ZBTB25: variants seen among roughly 807,000 people sequenced by gnomAD.
The protein encoded by ZBTB25 is zinc finger and BTB domain-containing protein 25.
ZBTB25 carries 20 observed loss-of-function variants against 34.2 expected under a neutral mutation model. That is an observed-to-expected ratio of 0.58 (90% CI 0.41 to 0.85). The LOEUF is 0.85. Among genes scored for constraint, ZBTB25 ranks in the 40% least tolerant of loss-of-function variants. The pLI is 0.00. For missense variants in ZBTB25, 437 were observed against 521.8 expected, an observed-to-expected ratio of 0.84 and a Z score of 1.58; for synonymous variants, 175 against 186.4, an observed-to-expected ratio of 0.94 and a Z score of 0.50.
Position 64,487,617 on chromosome 14 carries a change from T to A in ZBTB25, c.614A>T (p.Gln205Leu), listed in dbSNP as rs1450058627. 6.2e-7 allele frequency: 1 copy of A among 1,606,436 alleles called. No individual in the cohort carries two copies. The highest frequency in any genetic ancestry group is 1.3e-5 in the African/African-American group (1 of 74,640). The change falls in exon 3 of 3, where the codon CAG becomes CTG. Residue 205 changes from glutamine (Q) to leucine (L), a missense_variant. Transcript: ENST00000608382. ...CACAGATTCTGGGTCACATCTCTCC[T>A]GCTTGATGGAAACTGGGGGCTTCTG... ...EHQKPPVSIK[Q>L]ERCDPESVIS...
intron 2 of ZBTB25, chr14:64,469,371 A>G: frequency 6.2e-7 from 1 of 1,614,084 alleles, no homozygotes; most frequent in Non-Finnish European, 8.5e-7. Flanking sequence ...ACTGAAGAGA[A>G]ATCCAAATCA....
intron 2 of ZBTB25, chr14:64,471,686 G>A (rs1037355312): frequency 3.0e-5 from 5 of 166,154 alleles, no homozygotes; most frequent in African/African-American, 1.2e-4. Flanking sequence ...TAAATTGAGT[G>A]ATTGTGTTAC....
chr14:64,493,825 A>G (rs891756290), intron 1 of ZBTB25, among the ~76,000 whole-genome samples: 6 of 150,380 alleles, frequency 4.0e-5, no homozygotes, highest in Non-Finnish European at 5.9e-5. Context: ...TCTTGATAAG[A>G]GGTTCTGAGA....
At position 64,487,851 on chromosome 14, in the gene ZBTB25, T is replaced by G. The variant is rs1377501536; in HGVS notation, c.380A>C (p.Asn127Thr). Reference protein sequence around the residue: ...VFSPETVQSSNLYGIQISTTQ... With the variant: ...VFSPETVQSSTLYGIQISTTQ... The stretch of plus-strand genomic sequence containing the variant: ...TGTTGAGATCTGAATGCCATATAAA[T>G]TTGAGGACTGCACAGTCTCTGGTGA... The change falls in exon 3 of 3, where the codon AAT becomes ACT. Residue 127 changes from asparagine to threonine, a missense_variant. Transcript: ENST00000608382. 4 of 1,614,190 alleles carry G rather than the reference T, an allele frequency of 2.5e-6. No individual in the cohort carries two copies. Among genetic ancestry groups the G allele is most frequent in the Non-Finnish European group, 3.4e-6 (4 of 1,180,032 alleles).
At chr14:64,502,705 C>T (rs2079535850) in intron 1 of ZBTB25, 2 of 985,602 alleles carry the variant, frequency 2.0e-6, no homozygotes, top group Non-Finnish European at 2.4e-6. Flanking sequence ...CACTGCGGTC[C>T]TGGCATGGTG....
intron 1 of ZBTB25, among the ~76,000 whole-genome samples, chr14:64,492,609 A>AC (rs1308858820): frequency 2.6e-5 from 4 of 151,972 alleles, no homozygotes; most frequent in Non-Finnish European, 4.4e-5. Context: ...CTCAAAAAAA[A>AC]AAAACAAAAC....
chr14:64,470,929 G>T (rs1208879601), intron 2 of ZBTB25: 1 of 167,020 alleles, frequency 6.0e-6, no homozygotes, highest in Non-Finnish European at 1.5e-5. Flanking sequence ...TAGATTCAAA[G>T]CCAGCCTGGT....
At chr14:64,458,633 G>A in intron 2 of ZBTB25, 2 of 396,168 alleles carry the variant, frequency 5.0e-6, no homozygotes, top group South Asian at 4.4e-5. Flanking sequence ...AGGAGGCTTG[G>A]GGTTCAGAGT....
chr14:64,475,397 C>T (rs912094770), downstream of ZBTB25, among the ~76,000 whole-genome samples: 1 of 151,854 alleles, frequency 6.6e-6, no homozygotes. Context: ...CGACATCATG[C>T]CATTGCACTC....
chr14:64,472,861 G>A (rs939729372), intron 2 of ZBTB25: 1 of 166,982 alleles, frequency 6.0e-6, no homozygotes, highest in Non-Finnish European at 1.5e-5. Context: ...TTCAATTCAT[G>A]TCCATTTAAC....
chr14:64,495,479 T>C (rs2079238666), intron 1 of ZBTB25, among the ~76,000 whole-genome samples: 1 of 152,232 alleles, frequency 6.6e-6, no homozygotes, highest in Admixed American at 6.5e-5. Context: ...AGCTCTGTCC[T>C]CTTTTCTTCA....
intron 1 of ZBTB25, chr14:64,503,068 GTAACAACTGA>G: frequency 1.0e-6 from 1 of 985,432 alleles, no homozygotes; most frequent in African/African-American, 1.7e-5. Context: ...TCCGCAACTG[GTAACAACTGA>G]TTACTCCAAA....
chr14:64,458,110 A>G (rs977630079), intron 2 of ZBTB25: 4 of 914,096 alleles, frequency 4.4e-6, no homozygotes, highest in Non-Finnish European at 5.5e-6. Flanking sequence ...AGGGTGGTTT[A>G]GAACTCCTGG....
At position 64,472,947 on chromosome 14, in the gene ZBTB25, AAT is replaced by A. The variant is rs557350754; in HGVS notation, c.173+17412_173+17413del. On this transcript the variant is annotated intron_variant, in intron 2 of 2. Transcript: ENST00000555220. Reference sequence around the variant, plus strand: ...TGTGGTATAAATTCTGCTTTTAATGAATGTTTATTTATTTATTAGCCAAAATT... The same window carrying A: ...TGTGGTATAAATTCTGCTTTTAATGAGTTTATTTATTTATTAGCCAAAATT... 7 of 167,118 alleles carry A rather than the reference AAT, an allele frequency of 4.2e-5. No individual in the cohort carries two copies. In the South Asian group the frequency reaches 1.5e-3, roughly 35 times the overall value. The allele number at this position is 167,118 out of a possible 1,614,324, so 10.4% of individuals were successfully genotyped here.
intron 2 of ZBTB25, among the ~76,000 whole-genome samples, chr14:64,455,707 G>T (rs912854827): frequency 6.6e-6 from 1 of 152,232 alleles, no homozygotes; most frequent in Non-Finnish European, 1.5e-5. Flanking sequence ...AGTATAGTAA[G>T]AAAGTGGTAG....
intron 1 of ZBTB25, among the ~76,000 whole-genome samples, chr14:64,497,282 A>G (rs1209813545): frequency 1.3e-5 from 2 of 152,210 alleles, no homozygotes; most frequent in African/African-American, 4.8e-5. Flanking sequence ...CATTCCATTG[A>G]GTTATTAGAA....
Position 64,482,811 on chromosome 14 carries a change from G to T in ZBTB25, c.*4112C>A, listed in dbSNP as rs185569140. ...TAGGTCTAGCTACAGAATAAATGTC[G>T]TTTATATGGTTGATTTTAATCAATA... On this transcript the variant is annotated 3_prime_UTR_variant, in exon 3 of 3. Coordinates refer to ENST00000608382, the MANE Select transcript of ZBTB25 (RefSeq NM_006977.5). The T allele has an allele frequency of 1.2e-4, 18 of 152,278 alleles. No individual in the cohort carries two copies. The highest frequency in any genetic ancestry group is 4.3e-4 in the African/African-American group (18 of 41,546). 9.4% of individuals were successfully genotyped at this position (152,278 alleles called of 1,614,324 possible). A position where few individuals can be genotyped will look rare whatever the true frequency, so the allele number is the denominator to read the frequency against.
In ZBTB25 at chr14:64,484,283, C is replaced by A. The variant is rs941870927; in HGVS notation, c.*2640G>T. 5 of 152,238 alleles carry A rather than the reference C, an allele frequency of 3.3e-5. No homozygotes were observed. The highest frequency in any genetic ancestry group is 2.1e-4 in the South Asian group (1 of 4,834). 9.4% of individuals were successfully genotyped at this position (152,238 alleles called of 1,614,324 possible). A position where few individuals can be genotyped will look rare whatever the true frequency, so the allele number is the denominator to read the frequency against. ...CCAATCAGCTGCTAGCAAACTCTTA[C>A]CATTTATCCAAACTCTGCCCTGAGG... On this transcript the variant is annotated 3_prime_UTR_variant, in exon 3 of 3. Transcript: ENST00000608382.
intron 2 of ZBTB25, chr14:64,465,680 CGCGGAGT>C (rs1231522097): frequency 1.3e-5 from 2 of 152,160 alleles, no homozygotes; most frequent in Non-Finnish European, 1.5e-5. Context: ...GTCCGCGGAC[CGCGGAGT>C]GGGCAAGAGG....
Sources: allele counts gnomAD v4.1 joint callset (sites outside exome capture counted in the v4.1 genomes callset), GRCh38; gene constraint gnomAD v4.1.1; transcripts MANE v1.5; gene names NCBI Gene and HGNC (gene_info 2026-07-23, HGNC 2026-07-21).